The following HMGB1 variants were observed in gnomAD, a reference collection of about 807,000 sequenced individuals.
The protein encoded by HMGB1 is high mobility group box 1, also known as high mobility group protein B1.
For missense variants in HMGB1, 79 were observed against 253.5 expected (o/e 0.31, Z 4.67); for synonymous variants, 81 against 84.0 (o/e 0.96, Z 0.19).
chr13:30,495,615 A>G (rs1887593339), intron 1 of HMGB1, among the ~76,000 whole-genome samples: 1 of 151,502 alleles, frequency 6.6e-6, no homozygotes, highest in African/African-American at 2.4e-5. Flanking sequence ...AATAGTTGGG[A>G]CTACAGGCGC....
chr13:30,485,561 G>A (rs1006681098), intron 1 of HMGB1, among the ~76,000 whole-genome samples: 8 of 151,990 alleles, frequency 5.3e-5, no homozygotes, highest in African/African-American at 1.9e-4. Flanking sequence ...TCTAGAGATG[G>A]GCAACAAAAA....
intron 1 of HMGB1, among the ~76,000 whole-genome samples, chr13:30,581,387 G>C (rs1160127578): frequency 6.6e-6 from 1 of 152,166 alleles, no homozygotes; most frequent in African/African-American, 2.4e-5. Context: ...ATGGCCCACA[G>C]GCTGAATCCT....
At chr13:30,505,770 T>C (rs1267372183) in intron 1 of HMGB1, among the ~76,000 whole-genome samples, 3 of 152,204 alleles carry the variant, frequency 2.0e-5, no homozygotes, top group Non-Finnish European at 4.4e-5. Flanking sequence ...TCATCTGCAC[T>C]TACCTCAGTG....
In HMGB1 at chr13:30,461,140, C is replaced by T. The variant is rs954735521; in HGVS notation, c.*217G>A. 2.3e-6 allele frequency: 3 copies of T among 1,300,482 alleles called. No individual in the cohort carries two copies. The East Asian group carries it at 8.6e-5, about 37-fold the overall frequency. 80.6% of individuals were successfully genotyped at this position (1,300,482 alleles called of 1,614,324 possible). The stretch of plus-strand genomic sequence containing the variant: ...CCAATTTACAACCCCCATACTGTAC[C>T]AGGCAAGGTTAGTGGCTATTGAAAA... On this transcript the variant is annotated 3_prime_UTR_variant, in exon 5 of 5. Coordinates refer to ENST00000341423, the MANE Select transcript of HMGB1 (RefSeq NM_002128.7).
intron 1 of HMGB1, among the ~76,000 whole-genome samples, chr13:30,579,456 A>G (rs561841258): frequency 1.3e-5 from 2 of 152,336 alleles, no homozygotes; most frequent in Admixed American, 6.5e-5. Flanking sequence ...TTAGTTTAGT[A>G]CAATTTATTA....
intron 1 of HMGB1, among the ~76,000 whole-genome samples, chr13:30,493,989 A>G (rs1887555520): frequency 6.6e-6 from 1 of 151,994 alleles, no homozygotes; most frequent in African/African-American, 2.4e-5. Flanking sequence ...CATCTAATAA[A>G]TGCTAGCCTT....
chr13:30,546,484 G>T (rs1869164725), intron 1 of HMGB1, among the ~76,000 whole-genome samples: 1 of 152,112 alleles, frequency 6.6e-6, no homozygotes, highest in Admixed American at 6.6e-5. Context: ...CTGGAAGTGT[G>T]ATTTTCCTCT....
chr13:30,541,932 C>G (rs1245042551), intron 1 of HMGB1: 1 of 152,572 alleles, frequency 6.6e-6, no homozygotes. Flanking sequence ...ATGACCTTGC[C>G]ATATGCCTGA....
At chr13:30,464,553 A>G (rs1424730164) in intron 1 of HMGB1, 4 of 984,258 alleles carry the variant, frequency 4.1e-6, no homozygotes, top group Non-Finnish European at 4.8e-6. Flanking sequence ...CGAGGCCGCC[A>G]CGTGCGCCCG....
At chr13:30,557,124 T>C (rs183690731) in intron 1 of HMGB1, among the ~76,000 whole-genome samples, 131 of 152,360 alleles carry the variant, frequency 8.6e-4, no homozygotes, top group Non-Finnish European at 1.1e-3. Context: ...TTATTTCTTA[T>C]GCTGTTTTTC....
chr13:30,496,396 C>T (rs957597536), intron 1 of HMGB1, among the ~76,000 whole-genome samples: 1 of 152,218 alleles, frequency 6.6e-6, no homozygotes, highest in Non-Finnish European at 1.5e-5. Context: ...CCCCGCTGCA[C>T]CCTCAGTTCT....
rs573149423 is a variant in HMGB1 at position 30,582,460 on chromosome 13, A to G, written c.-15+34211T>C. Among the ~76,000 whole-genome samples the G allele has an allele frequency of 2.8e-4, 42 of 152,016 alleles. 3 individuals are homozygous for G. In the South Asian group the frequency reaches 4.8e-3, roughly 17 times the overall value. On this transcript the variant is annotated intron_variant, in intron 1 of 4. Transcript: ENST00000405805. ...GAGACCATCCTGGCTGACACGGTGA[A>G]ACCCCGTCTCCACTAAAAATACAAA...
intron 1 of HMGB1, among the ~76,000 whole-genome samples, chr13:30,536,352 A>G (rs919731979): frequency 3.3e-5 from 5 of 151,914 alleles, no homozygotes; most frequent in African/African-American, 1.2e-4. Context: ...TCCTCTCCTA[A>G]TTTCCCAATA....
chr13:30,464,353 C>T (rs1886571449), intron 1 of HMGB1: 1 of 985,254 alleles, frequency 1.0e-6, no homozygotes, highest in South Asian at 4.7e-5. Flanking sequence ...GAAGTTTCTC[C>T]GAGTAAACAA....
intron 1 of HMGB1, among the ~76,000 whole-genome samples, chr13:30,512,754 G>T (rs1888019632): frequency 6.6e-6 from 1 of 152,188 alleles, no homozygotes; most frequent in African/African-American, 2.4e-5. Flanking sequence ...ACAGCTCCAG[G>T]ACCACGGTAA....
chr13:30,573,045 T>C (rs1035966317), intron 1 of HMGB1, among the ~76,000 whole-genome samples: 1 of 152,180 alleles, frequency 6.6e-6, no homozygotes, highest in Non-Finnish European at 1.5e-5. Context: ...TAATTGTAAC[T>C]TCCATTAGAT....
chr13:30,581,266 G>A (rs1240446646), intron 1 of HMGB1, among the ~76,000 whole-genome samples: 2 of 152,206 alleles, frequency 1.3e-5, no homozygotes, highest in East Asian at 1.9e-4. Context: ...GCATACAGTG[G>A]GCCCTTCTTA....
chr13:30,500,349 A>G (rs7326905), intron 1 of HMGB1, among the ~76,000 whole-genome samples: 125,809 of 152,072 alleles, frequency 0.83, 56,939 homozygotes, highest in East Asian at 1. Flanking sequence ...ACACCAGGAG[A>G]TGCAAGTTGA....
At chr13:30,538,689 C>CTTTA (rs760074026) in intron 1 of HMGB1, among the ~76,000 whole-genome samples, 6,594 of 65,738 alleles carry the variant, frequency 0.1, 381 homozygotes, top group Middle Eastern at 0.17. Context: ...TCTTTCCTTT[C>CTTTA]TTTCTTTCTT....
Sources: allele counts gnomAD v4.1 joint callset (sites outside exome capture counted in the v4.1 genomes callset), GRCh38; gene constraint gnomAD v4.1.1; transcripts MANE v1.5; gene names NCBI Gene and HGNC (gene_info 2026-07-23, HGNC 2026-07-21).